The following PCDHGA4 variants were observed in gnomAD, a reference collection of about 807,000 sequenced individuals.
PCDHGA4 encodes the protein protocadherin gamma subfamily A, 4.
In PCDHGA4, 38 loss-of-function variants were observed where a neutral mutation model predicts 54.6. The observed-to-expected ratio is 0.70, with a 90% CI of 0.54 to 0.91. PCDHGA4 has a LOEUF of 0.91. PCDHGA4 is among the 40% of genes least tolerant of loss of function. The pLI is 0.00. For missense variants in PCDHGA4, 1,298 were observed against 1,220.9 expected (o/e 1.06, Z -0.94); for synonymous variants, 511 against 512.9 (o/e 1.00, Z 0.05).
At chr5:141,410,676 T>G in intron 1 of PCDHGA4, 1 of 1,550,692 alleles carries the variant, frequency 6.4e-7, no homozygotes, top group African/African-American at 1.4e-5. Flanking sequence ...TTTCTCATAT[T>G]TTAGGCATAC....
In PCDHGA4 at chr5:141,355,971, A is replaced by G; in HGVS notation, c.864A>G (p.Val288=). The G allele has an allele frequency of 6.2e-7, 1 of 1,613,870 alleles. No homozygotes were observed. The highest frequency in any genetic ancestry group is 8.5e-7 in the Non-Finnish European group (1 of 1,179,846). Residue 288 remains valine, a synonymous_variant, in exon 1 of 4, where the codon GTA becomes GTG. Transcript: ENST00000571252. The stretch of plus-strand genomic sequence containing the variant: ...TAAGTGTTCGTGAGAACGTTCCTGT[A>G]GGCACTCGGCTACTCACCGTAAAAG... ...YHVSVRENVP[V]GTRLLTVKAT...
At chr5:141,389,328 A>T in intron 1 of PCDHGA4, 1 of 1,613,972 alleles carries the variant, frequency 6.2e-7, no homozygotes. Flanking sequence ...CTTGGGGCCC[A>T]ACGGCCAAGT....
At position 141,372,855 on chromosome 5, in the gene PCDHGA4, A is replaced by T; in HGVS notation, c.2514+15234A>T. 7 of 1,456,148 alleles carry T rather than the reference A, an allele frequency of 4.8e-6. No homozygotes were observed. The South Asian group carries it at 6.7e-5, about 14-fold the overall frequency. 90.2% of individuals were successfully genotyped at this position (1,456,148 alleles called of 1,614,324 possible). On this transcript the variant is annotated intron_variant, in intron 1 of 3. Transcript: ENST00000571252. ...CCTTCCATAAATATAATTGGGTTTC[A>T]ATTCATTGATTTAGAGATAAAAAGA...
In PCDHGA4 at chr5:141,477,625, C is replaced by T; in HGVS notation, c.2515-17182C>T. ...TTCTCTTGGAGCAAGGAGCTGAAACCGGGCTAGTGGGTCGCTATTTCACAA... is the reference window on the plus strand; with the variant it reads ...TTCTCTTGGAGCAAGGAGCTGAAACTGGGCTAGTGGGTCGCTATTTCACAA... On this transcript the variant is annotated intron_variant, in intron 1 of 3. Coordinates refer to ENST00000571252, the MANE Select transcript of PCDHGA4 (RefSeq NM_018917.4). This position sits in a 1 kb window ranked among gnomAD's most constrained non-coding sequence, Gnocchi z 4.9. The T allele has an allele frequency of 1.2e-6, 2 of 1,614,200 alleles. No homozygotes were observed. Among genetic ancestry groups the T allele is most frequent in the Non-Finnish European group, 1.7e-6 (2 of 1,180,046 alleles).
At chr5:141,374,035 A>G in intron 1 of PCDHGA4, 1 of 1,444,760 alleles carries the variant, frequency 6.9e-7, no homozygotes, top group Non-Finnish European at 9.1e-7. Context: ...AGTGATGCAG[A>G]TCTGTTCTTC....
At position 141,368,171 on chromosome 5, in the gene PCDHGA4, A is replaced by T. The variant is rs143914194; in HGVS notation, c.2514+10550A>T. ...TTTAAAACCTTGAGCATCAGCTTCAAATAATGACTAAATAAGGGGAAAAGG... is the reference window on the plus strand; with the variant it reads ...TTTAAAACCTTGAGCATCAGCTTCATATAATGACTAAATAAGGGGAAAAGG... On this transcript the variant is annotated intron_variant, in intron 1 of 3. Coordinates refer to ENST00000571252, the MANE Select transcript of PCDHGA4 (RefSeq NM_018917.4). Among the ~76,000 whole-genome samples the T allele has an allele frequency of 3.1e-4, 47 of 152,352 alleles. No homozygotes were observed. In the East Asian group the frequency reaches 8.3e-3, roughly 27 times the overall value.
intron 1 of PCDHGA4, chr5:141,365,363 C>G (rs1305690731): frequency 1.2e-6 from 2 of 1,613,900 alleles, no homozygotes; most frequent in Middle Eastern, 1.6e-4. Flanking sequence ...TGACAATGCC[C>G]CCGAAGTGAT....
At position 141,413,736 on chromosome 5, in the gene PCDHGA4, G is replaced by A. The variant is rs189162146; in HGVS notation, c.2514+56115G>A. The A allele has an allele frequency of 1.9e-4, 309 of 1,613,452 alleles. No individual in the cohort carries two copies. In the African/African-American group the frequency reaches 3.0e-3, roughly 16 times the overall value. On this transcript the variant is annotated intron_variant, in intron 1 of 3. Coordinates refer to ENST00000571252, the MANE Select transcript of PCDHGA4 (RefSeq NM_018917.4). Reference sequence around the variant, plus strand: ...ATAAGCACTTCTCCCTAAGAGTTCAGAGCCGTGCCAATGGCGTCAAGTACC... The same window carrying A: ...ATAAGCACTTCTCCCTAAGAGTTCAAAGCCGTGCCAATGGCGTCAAGTACC...
intron 1 of PCDHGA4, chr5:141,423,051 CCTG>C (rs771403541): frequency 2.5e-6 from 4 of 1,614,208 alleles, no homozygotes; most frequent in Admixed American, 1.7e-5. Flanking sequence ...TGTCCTATCG[CCTG>C]CTTAAGGCCA....
intron 1 of PCDHGA4, chr5:141,404,727 T>G (rs762980421): frequency 6.2e-7 from 1 of 1,613,912 alleles, no homozygotes; most frequent in Non-Finnish European, 8.5e-7. Flanking sequence ...ACCAAGGTGG[T>G]GGCAGTGGAC....
Position 141,498,971 on chromosome 5 carries a change from GGGAAGGAAGGAAGGAAGGAAGGAA to G in PCDHGA4, c.2573+4140_2573+4163del, listed in dbSNP as rs201769957. 5.1e-3 allele frequency among the ~76,000 whole-genome samples: 569 copies of G among 111,048 alleles called. 6 individuals carry two copies. Among genetic ancestry groups the G allele is most frequent in the South Asian group, 0.024 (65 of 2,658 alleles). 72.9% of individuals were successfully genotyped at this position (111,048 alleles called of 152,430 possible). A position where few individuals can be genotyped will look rare whatever the true frequency, so the allele number is the denominator to read the frequency against. On this transcript the variant is annotated intron_variant, in intron 2 of 3. Coordinates refer to ENST00000571252, the MANE Select transcript of PCDHGA4 (RefSeq NM_018917.4). ...AAAAAGAGAGAGAGGGAGGGAGGGA[GGGAAGGAAGGAAGGAAGGAAGGAA>G]GGAAGGAAGGAAGGAAGGAAGGAAG...
intron 2 of PCDHGA4, among the ~76,000 whole-genome samples, chr5:141,501,287 TTA>T (rs1491235092): frequency 6.2e-5 from 6 of 96,980 alleles, no homozygotes; most frequent in African/African-American, 2.5e-4. Context: ...GGATATTCCC[TTA>T]TACACACACA....
chr5:141,433,460 T>C (rs892333304), intron 1 of PCDHGA4, among the ~76,000 whole-genome samples: 1 of 152,064 alleles, frequency 6.6e-6, no homozygotes, highest in Non-Finnish European at 1.5e-5. Context: ...GATCTGAAAC[T>C]TGGGCTCAGG....
Position 141,432,726 on chromosome 5 carries a change from C to T in PCDHGA4, c.2515-62081C>T, listed in dbSNP as rs777248611. The T allele has an allele frequency of 3.1e-6, 5 of 1,614,092 alleles. No homozygotes were observed. Among genetic ancestry groups the T allele is most frequent in the Non-Finnish European group, 3.4e-6 (4 of 1,179,998 alleles). On this transcript the variant is annotated intron_variant, in intron 1 of 3. Coordinates refer to ENST00000571252, the MANE Select transcript of PCDHGA4 (RefSeq NM_018917.4). This position sits in a 1 kb window ranked among gnomAD's most constrained non-coding sequence, Gnocchi z 6.0. ...GACCACGGCCAGCCCCCTCTCTCCG[C>T]CACTGTCACGCTCACCGTGGCCGTG...
Position 141,432,465 on chromosome 5 carries a change from C to G in PCDHGA4, c.2515-62342C>G. ...GAGATCCTGTACCCCGCCCTCCCCACGGACGGTTCCACTGGCGTGGAGCTG... is the reference window on the plus strand; with the variant it reads ...GAGATCCTGTACCCCGCCCTCCCCAGGGACGGTTCCACTGGCGTGGAGCTG... On this transcript the variant is annotated intron_variant, in intron 1 of 3. Transcript: ENST00000571252. The surrounding 1 kb of genome is among the most constrained non-coding windows in gnomAD (Gnocchi z 6.0). The G allele has an allele frequency of 6.2e-7, 1 of 1,614,222 alleles. No individual in the cohort carries two copies. Among genetic ancestry groups the G allele is most frequent in the Non-Finnish European group, 8.5e-7 (1 of 1,180,050 alleles).
At chr5:141,384,000 T>C (rs1160567279) in intron 1 of PCDHGA4, 2 of 1,613,774 alleles carry the variant, frequency 1.2e-6, no homozygotes, top group African/African-American at 1.3e-5. Flanking sequence ...CAGTCATTGC[T>C]CTTTTCTACC....
At chr5:141,433,343 G>A (rs1591274674) in intron 1 of PCDHGA4, 1 of 630,308 alleles carries the variant, frequency 1.6e-6, no homozygotes, top group Admixed American at 3.0e-5. Flanking sequence ...ACAGGTGCAA[G>A]CCACCTACTG....
At chr5:141,365,966 G>A (rs781156882) in intron 1 of PCDHGA4, 24 of 1,614,222 alleles carry the variant, frequency 1.5e-5, no homozygotes, top group Non-Finnish European at 2.0e-5. Flanking sequence ...TAGCAGCAAC[G>A]TGTCGCTGAG....
intron 1 of PCDHGA4, among the ~76,000 whole-genome samples, chr5:141,448,086 TAA>T (rs558292628): frequency 6.8e-6 from 1 of 146,354 alleles, no homozygotes; most frequent in Middle Eastern, 3.2e-3. Flanking sequence ...AATGCCATCT[TAA>T]AAAAAAAAAA....
Sources: gnomAD v4.1 joint callset for allele counts (sites outside exome capture counted in the v4.1 genomes callset) on GRCh38, gnomAD v4.1.1 for gene constraint, Gnocchi (gnomAD v3.1) non-coding constraint, MANE v1.5 for transcripts, NCBI Gene and HGNC (gene_info 2026-07-23, HGNC 2026-07-21) for gene names.